OXSR1: variants seen among roughly 807,000 people sequenced by gnomAD.
The protein encoded by OXSR1 is serine/threonine-protein kinase OSR1.
Under a neutral mutation model 79.8 loss-of-function variants are expected in OXSR1, and 24 were observed. That is an observed-to-expected ratio of 0.30 (90% CI 0.22 to 0.42). The LOEUF (loss-of-function observed/expected upper bound fraction) is 0.42. Ranked by LOEUF, OXSR1 falls within the 10% of genes least tolerant of loss-of-function variation. The pLI is 1.00. For missense variants in OXSR1, 430 were observed against 618.4 expected, an observed-to-expected ratio of 0.70 and a Z score of 3.23; for synonymous variants, 226 against 209.2, an observed-to-expected ratio of 1.08 and a Z score of -0.69.
chr3:38,204,350 C>T (rs1702227442), intron 4 of OXSR1, among the ~76,000 whole-genome samples: 1 of 152,146 alleles, frequency 6.6e-6, no homozygotes, highest in African/African-American at 2.4e-5. Context: ...CAGCTGGTAA[C>T]TAAGCTGCAA....
chr3:38,217,680 C>A (rs9880137), intron 5 of OXSR1, among the ~76,000 whole-genome samples: 22,952 of 151,854 alleles, frequency 0.15, 2,377 homozygotes, highest in African/African-American at 0.3. Flanking sequence ...GGCGTGCACC[C>A]CTCCACCGAC....
At chr3:38,208,483 C>T (rs972410726) in intron 4 of OXSR1, among the ~76,000 whole-genome samples, 2 of 152,090 alleles carry the variant, frequency 1.3e-5, no homozygotes, top group Non-Finnish European at 2.9e-5. Flanking sequence ...AAAGAAGTTT[C>T]TTTTTCTTTG....
intron 2 of OXSR1, 54 bp from the exon 3 acceptor site, chr3:38,190,677 A>T (rs1701965798): frequency 2.0e-6 from 2 of 1,013,824 alleles, no homozygotes; most frequent in Non-Finnish European, 3.1e-6. Flanking sequence ...CTAACTCACA[A>T]CATTTGTTTT....
chr3:38,188,680 T>C (rs1010662968), intron 2 of OXSR1, among the ~76,000 whole-genome samples: 2 of 152,192 alleles, frequency 1.3e-5, no homozygotes, highest in Non-Finnish European at 2.9e-5. Flanking sequence ...GATTTTTAAA[T>C]ATACTTTCAA....
intron 5 of OXSR1, among the ~76,000 whole-genome samples, chr3:38,218,037 C>T (rs1702518829): frequency 6.6e-6 from 1 of 152,050 alleles, no homozygotes; most frequent in Non-Finnish European, 1.5e-5. Context: ...GAATTGCTTC[C>T]ACCTTTTGGT....
chr3:38,250,732 A>T (rs1186916884), intron 15 of OXSR1, among the ~76,000 whole-genome samples: 1 of 152,188 alleles, frequency 6.6e-6, no homozygotes, highest in East Asian at 1.9e-4. Context: ...CACCTGTTTT[A>T]CTTTTTAAAC....
chr3:38,174,513 CAG>C (rs1701642874), intron 1 of OXSR1, among the ~76,000 whole-genome samples: 1 of 152,112 alleles, frequency 6.6e-6, no homozygotes, highest in African/African-American at 2.4e-5. Flanking sequence ...ACCCGAGTGA[CAG>C]AGGTTGCAGT....
At chr3:38,173,249 C>T (rs1701616978) in intron 1 of OXSR1, among the ~76,000 whole-genome samples, 1 of 152,090 alleles carries the variant, frequency 6.6e-6, no homozygotes, top group Non-Finnish European at 1.5e-5. Context: ...TGCTAAGCAA[C>T]TAAGAATATT....
intron 4 of OXSR1, among the ~76,000 whole-genome samples, chr3:38,213,218 C>T (rs1275551436): frequency 6.6e-6 from 1 of 152,148 alleles, no homozygotes; most frequent in Non-Finnish European, 1.5e-5. Flanking sequence ...TTCTCAGCAT[C>T]ACTGATGTTA....
intron 1 of OXSR1, among the ~76,000 whole-genome samples, chr3:38,167,036 C>G (rs1470982988): frequency 6.6e-6 from 1 of 152,080 alleles, no homozygotes; most frequent in Non-Finnish European, 1.5e-5. Flanking sequence ...AAGGGAAGAG[C>G]TTGATTTGTT....
At chr3:38,235,178 CA>C (rs1194526832) in intron 10 of OXSR1, among the ~76,000 whole-genome samples, 1 of 152,090 alleles carries the variant, frequency 6.6e-6, no homozygotes, top group African/African-American at 2.4e-5. Flanking sequence ...GATGGTTGCA[CA>C]ACTTTGAATA....
At chr3:38,165,967 G>C (rs1235122622) in intron 1 of OXSR1, 21 bp downstream of exon 1, 2 of 1,599,400 alleles carry the variant, frequency 1.3e-6, no homozygotes, top group African/African-American at 2.7e-5. Flanking sequence ...GCGCTGCGGA[G>C]GGGGGAGGCG....
intron 1 of OXSR1, among the ~76,000 whole-genome samples, chr3:38,174,581 C>T (rs1701644363): frequency 6.6e-6 from 1 of 151,960 alleles, no homozygotes; most frequent in Admixed American, 6.6e-5. Flanking sequence ...GACACTGTCT[C>T]AAAAACAAAC....
chr3:38,246,187 T>C lies in OXSR1; in HGVS notation c.1223T>C (p.Leu408Pro). 6.2e-7 allele frequency: 1 copy of C among 1,613,730 alleles called. No homozygotes were observed. Among genetic ancestry groups the C allele is most frequent in the Non-Finnish European group, 8.5e-7 (1 of 1,179,804 alleles). Residue 408 changes from leucine to proline, a missense_variant, in exon 13 of 18, where the codon CTC becomes CCC. By Grantham distance (98) the Leu-to-Pro change is moderately conservative. This residue lies in a region of OXSR1 where 276 missense variants were observed against 354.2 expected (regional missense o/e 0.78). Coordinates refer to ENST00000311806, the MANE Select transcript of OXSR1 (RefSeq NM_005109.3). ...QIATQPTQVS[L>P]PPTAEPAKTA... ...GCTACACAGCCAACTCAAGTCTCTC[T>C]CCCACCCACCGCAGAGCCAGCAAAA... is the stretch of plus-strand genomic sequence containing the variant.
At chr3:38,190,402 A>G (rs1701961899) in intron 2 of OXSR1, among the ~76,000 whole-genome samples, 1 of 152,230 alleles carries the variant, frequency 6.6e-6, no homozygotes, top group Non-Finnish European at 1.5e-5. Flanking sequence ...CTATAAAACC[A>G]GATTTCCCAA....
At chr3:38,234,568 G>A (rs1055636680) in intron 10 of OXSR1, among the ~76,000 whole-genome samples, 5 of 152,220 alleles carry the variant, frequency 3.3e-5, no homozygotes, top group Admixed American at 6.5e-5. Flanking sequence ...CCACTAGGAT[G>A]GCTATAATCA....
rs9849716 is a variant in OXSR1, at chr3:38,176,519, C to T, written c.71-6484C>T. ...ATTACCATAATCTTCTATGTTAGAA[C>T]CTTAAAATACTTTTCAATTGCTGAA... On this transcript the variant is annotated intron_variant, in intron 1 of 17. Coordinates refer to ENST00000311806, the MANE Select transcript of OXSR1 (RefSeq NM_005109.3). Among the ~76,000 whole-genome samples the T allele has an allele frequency of 6.6e-3, 998 of 152,224 alleles. 10 individuals are homozygous for T. Among genetic ancestry groups the T allele is most frequent in the African/African-American group, 0.023 (961 of 41,544 alleles).
rs35288328 is a variant in OXSR1 at position 38,182,117 on chromosome 3, C to T, written c.71-886C>T. Among the ~76,000 whole-genome samples the T allele has an allele frequency of 3.9e-4, 59 of 152,242 alleles. 1 individual carries two copies. The highest frequency in any genetic ancestry group is 2.1e-3 in the East Asian group (11 of 5,182). ...TTGTCCTACTTTTGTGAGCTGTAAT[C>T]CTATGGTAATTCAGTTTTCAGATCT... On this transcript the variant is annotated intron_variant, in intron 1 of 17. Transcript: ENST00000311806.
At chr3:38,247,851 T>C (rs1392145536) in intron 14 of OXSR1, 119 bp downstream of exon 14, 1 of 614,278 alleles carries the variant, frequency 1.6e-6, no homozygotes, top group Non-Finnish European at 2.9e-6. Context: ...TCAAGCTCTG[T>C]TTGCTTGGTG....
Sources: allele counts gnomAD v4.1 joint callset (sites outside exome capture counted in the v4.1 genomes callset), GRCh38; gene constraint gnomAD v4.1.1; regional missense constraint gnomAD v4.1.1; transcripts MANE v1.5; gene names NCBI Gene and HGNC (gene_info 2026-07-23, HGNC 2026-07-21).